The following SLC9A3 variants were observed in gnomAD, a reference collection of about 807,000 sequenced individuals.
SLC9A3 encodes solute carrier family 9 member A3, also known as sodium/hydrogen exchanger 3.
Under a neutral mutation model 86.8 loss-of-function variants are expected in SLC9A3, and 37 were observed. The ratio of observed to expected loss-of-function variants is 0.43; its 90% CI spans 0.33 to 0.56. The LOEUF (loss-of-function observed/expected upper bound fraction) is 0.56. SLC9A3 is among the 20% of genes least tolerant of loss of function. SLC9A3 has a pLI of 0.06. For synonymous variants in SLC9A3, 581 were observed against 528.3 expected, an observed-to-expected ratio of 1.10 and a Z score of -1.37; for missense variants, 1,011 against 1,171.9, an observed-to-expected ratio of 0.86 and a Z score of 2.00.
At position 477,235 on chromosome 5, in the gene SLC9A3, C is replaced by T. The variant is rs551297745; in HGVS notation, c.1760+97G>A. ...TCTGCACCTCTCCCCTCTTCCATGC[C>T]ACCCCCAGGCCAGGAGCCACCACAG... On this transcript the variant is annotated intron_variant, in intron 11 of 16. Transcript: ENST00000264938. 5.3e-4 allele frequency: 433 copies of T among 814,684 alleles called. 10 individuals carry two copies. The Admixed American group carries it at 0.011, about 20-fold the overall frequency. 50.5% of individuals were successfully genotyped at this position (814,684 alleles called of 1,614,324 possible).
chr5:521,239 C>CA lies in SLC9A3; in HGVS notation c.211+2872dup, dbSNP rs749949863. ...GTGGGGAGCCCTTGCCGGAGCCAGA[C>CA]ACGCGGCCTGAGGCTGGTGGGCCAA... On this transcript the variant is annotated intron_variant, in intron 1 of 16. Coordinates refer to ENST00000264938, the MANE Select transcript of SLC9A3 (RefSeq NM_004174.4). Among the ~76,000 whole-genome samples the CA allele has an allele frequency of 5.4e-3, 825 of 152,384 alleles. 3 individuals are homozygous for CA. The highest frequency in any genetic ancestry group is 0.01 in the Middle Eastern group (3 of 294).
intron 1 of SLC9A3, among the ~76,000 whole-genome samples, chr5:495,067 C>T (rs1430211142): frequency 6.6e-6 from 1 of 151,868 alleles, no homozygotes; most frequent in Admixed American, 6.6e-5. Flanking sequence ...TAAAATCCAG[C>T]GACCACAGAG....
At chr5:511,432 G>A (rs1294329665) in intron 1 of SLC9A3, among the ~76,000 whole-genome samples, 1 of 152,090 alleles carries the variant, frequency 6.6e-6, no homozygotes, top group East Asian at 1.9e-4. Flanking sequence ...ACATACAAAG[G>A]ACTCTAAAAA....
In SLC9A3 at chr5:496,418, C is replaced by T. The variant is rs368379199; in HGVS notation, c.212-4347G>A. On this transcript the variant is annotated intron_variant, in intron 1 of 16. Coordinates refer to ENST00000264938, the MANE Select transcript of SLC9A3 (RefSeq NM_004174.4). This position sits in a 1 kb window ranked among gnomAD's most constrained non-coding sequence, Gnocchi z 4.7. ...ACAGCCTCTGACGACCTGTGGGTGA[C>T]GCGTGAACGACCCCGTTCTGTGAAA... Among the ~76,000 whole-genome samples, 55 of 152,348 alleles carry T rather than the reference C, an allele frequency of 3.6e-4. No individual in the cohort carries two copies. The highest frequency in any genetic ancestry group is 1.2e-3 in the African/African-American group (49 of 41,582).
At chr5:477,267 C>T in intron 11 of SLC9A3, 65 bp downstream of exon 11, 1 of 1,195,208 alleles carries the variant, frequency 8.4e-7, no homozygotes, top group Non-Finnish European at 1.2e-6. Context: ...ACAGCCCTGT[C>T]TGTGACTCTC....
rs1451101520 is a variant in SLC9A3, at chr5:491,322, C to T, written c.514+447G>A. ...GCCCGAGAGATGAAGCATCCAAGAC[C>T]AAAACCGCGCAGCAGTTCTGGCTCC... On this transcript the variant is annotated intron_variant, in intron 2 of 16. Transcript: ENST00000264938. This position sits in a 1 kb window ranked among gnomAD's most constrained non-coding sequence, Gnocchi z 9.2. 1.3e-5 allele frequency among the ~76,000 whole-genome samples: 2 copies of T among 152,178 alleles called. No homozygotes were observed. The highest frequency in any genetic ancestry group is 2.9e-5 in the Non-Finnish European group (2 of 68,028).
intron 13 of SLC9A3, 52 bp from the exon 14 acceptor site, chr5:476,144 C>T (rs1738713806): frequency 6.2e-7 from 1 of 1,612,290 alleles, no homozygotes; most frequent in Admixed American, 1.7e-5. Flanking sequence ...ACACCCAGCC[C>T]TGACTGCCCC....
At chr5:522,937 C>T (rs568554429) in intron 1 of SLC9A3, among the ~76,000 whole-genome samples, 5 of 152,006 alleles carry the variant, frequency 3.3e-5, no homozygotes, top group Non-Finnish European at 5.9e-5. Context: ...GAGACTCCCC[C>T]CCGGCCAGCA....
At chr5:477,466 G>A (rs772725914) in intron 10 of SLC9A3, 22 bp from the exon 11 acceptor site, 5 of 1,573,348 alleles carry the variant, frequency 3.2e-6, no homozygotes, top group Non-Finnish European at 4.4e-6. Flanking sequence ...AAGCAGCCCG[G>A]TCAGTGGCCT....
rs1739732785 is a variant in SLC9A3, at chr5:491,415, C to T, written c.514+354G>A. 6.6e-6 allele frequency among the ~76,000 whole-genome samples: 1 copy of T among 152,158 alleles called. No homozygotes were observed. The highest frequency in any genetic ancestry group is 2.4e-5 in the African/African-American group (1 of 41,430). ...CTGGGAGGGACGGTGCCCGATACAC[C>T]AGGCTCTGCAGTCCTCCTCCTCTCC... On this transcript the variant is annotated intron_variant, in intron 2 of 16. Transcript: ENST00000264938. The surrounding 1 kb of genome is among the most constrained non-coding windows in gnomAD (Gnocchi z 9.2).
At chr5:480,990 A>T (rs1739129869) in intron 9 of SLC9A3, 1 of 152,292 alleles carries the variant, frequency 6.6e-6, no homozygotes, top group Admixed American at 6.6e-5. Flanking sequence ...CCCGGGTTCA[A>T]GCGATTCTTG....
chr5:472,596 G>T lies in SLC9A3; in HGVS notation c.*783C>A. Reference sequence around the variant, plus strand: ...ACCGGGCGCGGGCAGGACGGAACCTGGGGGGGAAACGGGGCAGGTACTGGC... The same window carrying T: ...ACCGGGCGCGGGCAGGACGGAACCTTGGGGGGAAACGGGGCAGGTACTGGC... On this transcript the variant is annotated 3_prime_UTR_variant, in exon 17 of 17. Transcript: ENST00000264938. 2.6e-6 allele frequency: 1 copy of T among 386,312 alleles called. No individual in the cohort carries two copies. Among genetic ancestry groups the T allele is most frequent in the Admixed American group, 3.1e-5 (1 of 31,852 alleles). 23.9% of individuals were successfully genotyped at this position (386,312 alleles called of 1,614,324 possible).
At chr5:476,433 C>T in intron 12 of SLC9A3, 55 bp from the exon 13 acceptor site, 1 of 1,607,830 alleles carries the variant, frequency 6.2e-7, no homozygotes, top group Non-Finnish European at 8.5e-7. Flanking sequence ...CATTCTCGCC[C>T]TCCTGCCGCA....
Position 471,936 on chromosome 5 carries a change from C to T in SLC9A3, c.*1443G>A, listed in dbSNP as rs910257067. 2.0e-5 allele frequency: 9 copies of T among 456,516 alleles called. No individual in the cohort carries two copies. The highest frequency in any genetic ancestry group is 1.0e-4 in the African/African-American group (5 of 50,070). The allele number at this position is 456,516 out of a possible 1,614,324, so 28.3% of individuals were successfully genotyped here. ...GTCAACATAAAACTCTTTAAGAACT[C>T]CTCCTGACTGGTGACTGTCAACACT... On this transcript the variant is annotated 3_prime_UTR_variant, in exon 17 of 17. Transcript: ENST00000264938.
intron 6 of SLC9A3, among the ~76,000 whole-genome samples, 160 bp downstream of exon 6, chr5:483,102 C>T (rs1307560516): frequency 6.6e-6 from 1 of 152,118 alleles, no homozygotes; most frequent in Admixed American, 6.5e-5. Flanking sequence ...GGTTCCAGAG[C>T]CTCCCACCCC....
intron 2 of SLC9A3, among the ~76,000 whole-genome samples, chr5:489,949 C>G (rs1739648284): frequency 6.6e-6 from 1 of 152,244 alleles, no homozygotes; most frequent in African/African-American, 2.4e-5. Flanking sequence ...GAAGCTCTCG[C>G]AGGGCCTGTC....
intron 1 of SLC9A3, among the ~76,000 whole-genome samples, chr5:520,962 G>A (rs1733868740): frequency 6.6e-6 from 1 of 152,168 alleles, no homozygotes. Flanking sequence ...GGCACCTAAG[G>A]CCTAGAGTGG....
intron 4 of SLC9A3, 137 bp from the exon 5 acceptor site, chr5:484,834 G>C (rs1410897802): frequency 4.9e-6 from 4 of 821,342 alleles, no homozygotes; most frequent in Non-Finnish European, 7.6e-6. Context: ...GATCGGGCCT[G>C]GTCTCAGCAC....
At chr5:473,514 C>T (rs1379612422) in intron 16 of SLC9A3, 132 bp from the exon 17 acceptor site, 61 of 734,678 alleles carry the variant, frequency 8.3e-5, no homozygotes, top group Non-Finnish European at 1.1e-4. Flanking sequence ...CCAGGCTCGG[C>T]GTCCGCTGGG....
Sources: allele counts gnomAD v4.1 joint callset (sites outside exome capture counted in the v4.1 genomes callset), GRCh38; gene constraint gnomAD v4.1.1; non-coding constraint Gnocchi (gnomAD v3.1); transcripts MANE v1.5; gene names NCBI Gene and HGNC (gene_info 2026-07-23, HGNC 2026-07-21).